The following HNRNPR variants were observed in gnomAD, a reference collection of about 807,000 sequenced individuals.
HNRNPR encodes the protein heterogeneous nuclear ribonucleoprotein R.
A neutral mutation model predicts 70.3 loss-of-function variants in HNRNPR; 4 were observed. The ratio of observed to expected loss-of-function variants is 0.06; its 90% CI spans 0.03 to 0.13. HNRNPR has a LOEUF of 0.13. HNRNPR is among the 10% of genes least tolerant of loss of function. The pLI, the probability that HNRNPR is intolerant of heterozygous loss-of-function variation, is 1.00. For synonymous variants in HNRNPR, 241 were observed against 267.6 expected, an observed-to-expected ratio of 0.90 and a Z score of 0.97; for missense variants, 423 against 788.5, an observed-to-expected ratio of 0.54 and a Z score of 5.55.
At chr1:23,341,107 T>C (rs554122821) in intron 1 of HNRNPR, 90 bp from the exon 2 acceptor site, 56 of 891,962 alleles carry the variant, frequency 6.3e-5, no homozygotes, top group East Asian at 4.6e-4. Flanking sequence ...CTAATTTGTA[T>C]ACATGCTGCT....
chr1:23,329,081 A>G (rs1646115130), intron 5 of HNRNPR, among the ~76,000 whole-genome samples: 1 of 152,196 alleles, frequency 6.6e-6, no homozygotes, highest in South Asian at 2.1e-4. Flanking sequence ...CGATTGTGCC[A>G]CTGTACTCCA....
intron 2 of HNRNPR, among the ~76,000 whole-genome samples, chr1:23,340,310 T>TA (rs568728261): frequency 0.063 from 8,885 of 140,760 alleles, 829 homozygotes; most frequent in African/African-American, 0.21. Flanking sequence ...ACTTCTGGAT[T>TA]AAAAAAAAAA....
intron 7 of HNRNPR, among the ~76,000 whole-genome samples, chr1:23,320,441 G>C (rs552764128): frequency 1.3e-5 from 2 of 152,286 alleles, no homozygotes; most frequent in South Asian, 4.1e-4. Flanking sequence ...AAGTAGGTAG[G>C]AGTCTAAAGC....
rs1241241115 is a variant in HNRNPR at position 23,309,251 on chromosome 1, T to C, written c.*1203A>G. 6.6e-6 allele frequency: 1 copy of C among 152,154 alleles called. No homozygotes were observed. The highest frequency in any genetic ancestry group is 1.9e-4 in the East Asian group (1 of 5,194). 9.4% of individuals were successfully genotyped at this position (152,154 alleles called of 1,614,324 possible). A position where few individuals can be genotyped will look rare whatever the true frequency, so the allele number is the denominator to read the frequency against. ...TTCTCAAAGCAAATTTACATAGTAA[T>C]AGGAAATTATATTCCTAAACCAGTA... On this transcript the variant is annotated 3_prime_UTR_variant, in exon 11 of 11. Coordinates refer to ENST00000302271, the MANE Select transcript of HNRNPR (RefSeq NM_005826.5).
rs1645224692 is a variant in HNRNPR, at chr1:23,307,756, C to A, written c.*2698G>T. ...TGTATCGGTCTCACCAGGGTACCTACAAAGAATAGCTCTATACCTCAATAT... is the reference window on the plus strand; with the variant it reads ...TGTATCGGTCTCACCAGGGTACCTAAAAAGAATAGCTCTATACCTCAATAT... On this transcript the variant is annotated 3_prime_UTR_variant, in exon 11 of 11. Coordinates refer to ENST00000302271, the MANE Select transcript of HNRNPR (RefSeq NM_005826.5). 4 of 151,952 alleles carry A rather than the reference C, an allele frequency of 2.6e-5. No homozygotes were observed. The highest frequency in any genetic ancestry group is 2.6e-4 in the Admixed American group (4 of 15,258). The allele number at this position is 151,952 out of a possible 1,614,324, so 9.4% of individuals were successfully genotyped here.
chr1:23,337,000 C>T (rs561734839), intron 4 of HNRNPR, among the ~76,000 whole-genome samples: 1 of 152,144 alleles, frequency 6.6e-6, no homozygotes, highest in Admixed American at 6.5e-5. Flanking sequence ...TTACTCCTTA[C>T]AATAACTCTG....
In HNRNPR at chr1:23,308,051, AAT is replaced by A. The variant is rs754945882; in HGVS notation, c.*2401_*2402del. On this transcript the variant is annotated 3_prime_UTR_variant, in exon 11 of 11. Coordinates refer to ENST00000302271, the MANE Select transcript of HNRNPR (RefSeq NM_005826.5). ...TTTCTCTGAATGCTGCTACAGTGTT[AAT>A]TTACAAGACATGAAAGAAGAAAAGC... 3 of 152,076 alleles carry A rather than the reference AAT, an allele frequency of 2.0e-5. No homozygotes were observed. The highest frequency in any genetic ancestry group is 4.4e-5 in the Non-Finnish European group (3 of 67,924). The allele number at this position is 152,076 out of a possible 1,614,324, so 9.4% of individuals were successfully genotyped here. A position where few individuals can be genotyped will look rare whatever the true frequency, so the allele number is the denominator to read the frequency against.
chr1:23,310,830 C>T lies in HNRNPR; in HGVS notation c.1526G>A (p.Arg509Gln), dbSNP rs1314276372. 2.5e-6 allele frequency: 4 copies of T among 1,613,904 alleles called. No homozygotes were observed. The highest frequency in any genetic ancestry group is 3.4e-6 in the Non-Finnish European group (4 of 1,180,014). The change falls in exon 11 of 11, where the codon CGA (arginine) becomes CAA (glutamine). Residue 509 changes from arginine (R) to glutamine (Q), a missense_variant. By Grantham distance (43) the Arg-to-Gln change is conservative. This residue lies in a region of HNRNPR where 169 missense variants were observed against 195.6 expected (regional missense o/e 0.86). Transcript: ENST00000302271. The surrounding 1 kb of genome is among the most constrained non-coding windows in gnomAD (Gnocchi z 6.0). ...VRGRGGGRGG[R>Q]GAPPPPRGRG... ...CCCCCTTGGTGGTGGTGGAGCACCT[C>T]GCCCTCCCCTTCCTCCTCCTCTTCC... is the stretch of plus-strand genomic sequence containing the variant.
At chr1:23,322,127 A>AAT (rs940586266) in intron 6 of HNRNPR, among the ~76,000 whole-genome samples, 1 of 152,202 alleles carries the variant, frequency 6.6e-6, no homozygotes, top group African/African-American at 2.4e-5. Context: ...CAGAATTCTA[A>AAT]ATATATAGTT....
chr1:23,341,162 C>A, intron 1 of HNRNPR, 145 bp from the exon 2 acceptor site: 1 of 590,806 alleles, frequency 1.7e-6, no homozygotes, highest in Non-Finnish European at 2.8e-6. Context: ...TGTGATGTAT[C>A]TGACCTAAAT....
chr1:23,324,997 G>A lies in HNRNPR; in HGVS notation c.499-1265C>T, dbSNP rs182829805. Among the ~76,000 whole-genome samples, 1,105 of 151,946 alleles carry A rather than the reference G, an allele frequency of 7.3e-3. 20 individuals carry two copies. The highest frequency in any genetic ancestry group is 0.025 in the African/African-American group (1,052 of 41,446). ...CTACTAAAAATACAAAAAATTAGCCGGGCGTGGTGGCCGGCGCCTGTAGCC... is the reference window on the plus strand; with the variant it reads ...CTACTAAAAATACAAAAAATTAGCCAGGCGTGGTGGCCGGCGCCTGTAGCC... On this transcript the variant is annotated intron_variant, in intron 5 of 10. Coordinates refer to ENST00000302271, the MANE Select transcript of HNRNPR (RefSeq NM_005826.5).
At position 23,310,055 on chromosome 1, in the gene HNRNPR, C is replaced by T. The variant is rs986362805; in HGVS notation, c.*399G>A. ...ATTTCTTAAAACTACTAAGACAAAG[C>T]ACTAGCTTGTATTTTTATTTACAGC... On this transcript the variant is annotated 3_prime_UTR_variant, in exon 11 of 11. Coordinates refer to ENST00000302271, the MANE Select transcript of HNRNPR (RefSeq NM_005826.5). This position sits in a 1 kb window ranked among gnomAD's most constrained non-coding sequence, Gnocchi z 6.0. 1 of 156,022 alleles carries T rather than the reference C, an allele frequency of 6.4e-6. No individual in the cohort carries two copies. The highest frequency in any genetic ancestry group is 1.4e-5 in the Non-Finnish European group (1 of 70,632). The allele number at this position is 156,022 out of a possible 1,614,324, so 9.7% of individuals were successfully genotyped here.
chr1:23,311,476 A>G (rs545629496), intron 9 of HNRNPR, among the ~76,000 whole-genome samples, 154 bp from the exon 10 acceptor site: 2 of 152,344 alleles, frequency 1.3e-5, no homozygotes, highest in South Asian at 2.1e-4. Flanking sequence ...CCAGAAAGTT[A>G]AACACAAACA....
chr1:23,321,825 A>G (rs528396894), intron 6 of HNRNPR, among the ~76,000 whole-genome samples, 162 bp from the exon 7 acceptor site: 2 of 152,284 alleles, frequency 1.3e-5, no homozygotes, highest in East Asian at 3.9e-4. Flanking sequence ...TTTAAACTTC[A>G]TTGTTACAGT....
At chr1:23,330,394 G>C (rs555081047) in intron 5 of HNRNPR, among the ~76,000 whole-genome samples, 88 of 152,232 alleles carry the variant, frequency 5.8e-4, no homozygotes, top group African/African-American at 2.1e-3. Flanking sequence ...AATTAGCTGA[G>C]CATGGTGGTG....
At chr1:23,311,471 A>G (rs752744489) in intron 9 of HNRNPR, 149 bp from the exon 10 acceptor site, 452 of 596,568 alleles carry the variant, frequency 7.6e-4, no homozygotes, top group Non-Finnish European at 1.2e-3. Flanking sequence ...TCTAGCCAGA[A>G]AGTTAAACAC....
chr1:23,336,507 C>A (rs4648991), intron 4 of HNRNPR, among the ~76,000 whole-genome samples: 1 of 147,760 alleles, frequency 6.8e-6, no homozygotes, highest in East Asian at 2.0e-4. Context: ...AGGAGGCAGA[C>A]CTTGCAATGA....
At chr1:23,332,151 GGGA>G (rs1281202427) in intron 5 of HNRNPR, among the ~76,000 whole-genome samples, 12 of 151,998 alleles carry the variant, frequency 7.9e-5, no homozygotes, top group Non-Finnish European at 1.8e-4. Flanking sequence ...GAGGGGAGAG[GGGA>G]GGAGAAGAGA....
intron 4 of HNRNPR, among the ~76,000 whole-genome samples, chr1:23,334,046 T>C (rs1646356540): frequency 6.6e-6 from 1 of 152,012 alleles, no homozygotes; most frequent in South Asian, 2.1e-4. Context: ...CCCAAGTAGC[T>C]GGGATTACAG....
Sources: allele counts gnomAD v4.1 joint callset (sites outside exome capture counted in the v4.1 genomes callset), GRCh38; gene constraint gnomAD v4.1.1; regional missense constraint gnomAD v4.1.1; non-coding constraint Gnocchi (gnomAD v3.1); transcripts MANE v1.5; gene names NCBI Gene and HGNC (gene_info 2026-07-23, HGNC 2026-07-21).